Variants in EYS observed in about 807,000 individuals in gnomAD.
EYS encodes EGF-like photoreceptor maintenance factor.
Under a neutral mutation model 282.1 loss-of-function variants are expected in EYS, and 250 were observed. The ratio of observed to expected loss-of-function variants is 0.89; its 90% CI spans 0.80 to 0.98. EYS has a LOEUF of 0.98. Among genes scored for constraint, EYS ranks in the 50% least tolerant of loss-of-function variants. EYS has a pLI of 0.00. For synonymous variants in EYS, 1,355 were observed against 1,282.9 expected, an observed-to-expected ratio of 1.06 and a Z score of -1.20; for missense variants, 4,016 against 3,709.0, an observed-to-expected ratio of 1.08 and a Z score of -2.15.
intron 2 of EYS, among the ~76,000 whole-genome samples, chr6:65,504,239 T>C (rs745877090): frequency 1.3e-5 from 2 of 151,756 alleles, no homozygotes; most frequent in Non-Finnish European, 3.0e-5. Flanking sequence ...CCTTTAAATA[T>C]TAGTTGTTCA....
At chr6:64,549,124 C>T (rs1257166744) in intron 26 of EYS, among the ~76,000 whole-genome samples, 11 of 152,312 alleles carry the variant, frequency 7.2e-5, no homozygotes, top group Admixed American at 7.2e-4. Context: ...CCTCCAAAGG[C>T]AGAAACAGCA....
At chr6:63,917,676 G>C (rs188711944) in intron 35 of EYS, among the ~76,000 whole-genome samples, 25 of 152,280 alleles carry the variant, frequency 1.6e-4, no homozygotes, top group Middle Eastern at 3.4e-3. Flanking sequence ...ACATGAAATA[G>C]GCAATAAAGG....
intron 29 of EYS, among the ~76,000 whole-genome samples, chr6:64,323,413 T>C (rs1320143338): frequency 2.6e-5 from 4 of 152,166 alleles, no homozygotes; most frequent in Admixed American, 1.3e-4. Context: ...ATTTTATCTA[T>C]ACATCGCTTG....
At chr6:64,726,863 T>C (rs538586646) in intron 22 of EYS, among the ~76,000 whole-genome samples, 151 of 152,192 alleles carry the variant, frequency 9.9e-4, no homozygotes, top group Non-Finnish European at 2.9e-4. Context: ...TTTCAGGCTT[T>C]CAAAACAGAC....
intron 22 of EYS, among the ~76,000 whole-genome samples, chr6:64,681,367 G>A (rs372947402): frequency 1.2e-4 from 19 of 152,218 alleles, no homozygotes; most frequent in African/African-American, 4.3e-4. Flanking sequence ...GTACAAAGTT[G>A]CAATTTCACT....
intron 26 of EYS, among the ~76,000 whole-genome samples, chr6:64,498,134 A>G (rs975450367): frequency 6.6e-6 from 1 of 152,180 alleles, no homozygotes; most frequent in African/African-American, 2.4e-5. Flanking sequence ...ATCAATCAGT[A>G]TATTTCATAT....
intron 36 of EYS, among the ~76,000 whole-genome samples, chr6:63,862,422 T>A (rs555327998): frequency 1.4e-3 from 210 of 149,910 alleles, no homozygotes; most frequent in African/African-American, 4.1e-3. Context: ...AATCTTTTTT[T>A]AAAAAAAAAA....
intron 35 of EYS, 110 bp from the exon 36 acceptor site, chr6:63,864,468 A>T: frequency 1.4e-6 from 1 of 705,930 alleles, no homozygotes; most frequent in Non-Finnish European, 2.1e-6. Context: ...TTATAATTGC[A>T]TCTTTTCTAA....
At chr6:65,441,951 A>C (rs1768344630) in intron 5 of EYS, among the ~76,000 whole-genome samples, 1 of 151,952 alleles carries the variant, frequency 6.6e-6, no homozygotes, top group Non-Finnish European at 1.5e-5. Context: ...ACTAAATGTC[A>C]TTTCTTCATA....
intron 2 of EYS, among the ~76,000 whole-genome samples, chr6:65,603,596 T>C (rs1562282326): frequency 6.6e-6 from 1 of 151,996 alleles, no homozygotes; most frequent in Non-Finnish European, 1.5e-5. Flanking sequence ...GGAAACACTT[T>C]ATAATACATA....
At chr6:63,840,478 T>C (rs1372629015) in intron 36 of EYS, among the ~76,000 whole-genome samples, 1 of 152,114 alleles carries the variant, frequency 6.6e-6, no homozygotes, top group Admixed American at 6.6e-5. Context: ...TCTTTCATTC[T>C]GTAGGTCGTC....
chr6:64,338,351 T>G (rs756754116), intron 29 of EYS, among the ~76,000 whole-genome samples: 1 of 150,376 alleles, frequency 6.6e-6, no homozygotes, highest in Non-Finnish European at 1.5e-5. Context: ...AAGCAAAGAA[T>G]CAAATCAAGA....
chr6:64,219,787 T>C (rs1766039824), intron 31 of EYS, among the ~76,000 whole-genome samples: 1 of 152,110 alleles, frequency 6.6e-6, no homozygotes, highest in Non-Finnish European at 1.5e-5. Flanking sequence ...AACCCAAATG[T>C]CCAACAATGA....
At chr6:65,393,849 A>T (rs1766158108) in intron 7 of EYS, among the ~76,000 whole-genome samples, 1 of 152,164 alleles carries the variant, frequency 6.6e-6, no homozygotes, top group Non-Finnish European at 1.5e-5. Context: ...AAACAAAAAA[A>T]AACACAATAA....
intron 2 of EYS, among the ~76,000 whole-genome samples, chr6:65,543,313 T>A (rs1421984832): frequency 1.3e-5 from 2 of 151,112 alleles, no homozygotes; most frequent in African/African-American, 4.8e-5. Context: ...CAGCTGTTTT[T>A]TTACATTATT....
At chr6:64,567,662 T>C (rs947918958) in intron 26 of EYS, among the ~76,000 whole-genome samples, 2 of 152,172 alleles carry the variant, frequency 1.3e-5, no homozygotes, top group Non-Finnish European at 1.5e-5. Context: ...TCTCAAGTGA[T>C]TTATTTGGAA....
intron 28 of EYS, among the ~76,000 whole-genome samples, chr6:64,414,008 A>G (rs1014257266): frequency 9.2e-5 from 14 of 152,074 alleles, no homozygotes; most frequent in African/African-American, 3.4e-4. Flanking sequence ...GCCCTTACCA[A>G]TGACTGAATC....
In EYS at chr6:64,945,191, T is replaced by C. The variant is rs1351163334; in HGVS notation, c.2381+602A>G. ...ATCTATGCATCCAATAAAGGTGTGA[T>C]ATGCTGAATCTATAAGGAACTTATT... On this transcript the variant is annotated intron_variant, in intron 15 of 42. Transcript: ENST00000503581. Among the ~76,000 whole-genome samples the C allele has an allele frequency of 6.8e-5, 10 of 147,876 alleles. No homozygotes were observed. In the East Asian group the frequency reaches 1.6e-3, roughly 24 times the overall value.
intron 30 of EYS, among the ~76,000 whole-genome samples, chr6:64,241,638 A>T (rs1419326675): frequency 6.6e-6 from 1 of 150,446 alleles, no homozygotes; most frequent in Non-Finnish European, 1.5e-5. Context: ...TCCTGGATTC[A>T]TTGATTTTTT....
Sources: gnomAD v4.1 joint callset for allele counts (sites outside exome capture counted in the v4.1 genomes callset) on GRCh38, gnomAD v4.1.1 for gene constraint, MANE v1.5 for transcripts, NCBI Gene and HGNC (gene_info 2026-07-23, HGNC 2026-07-21) for gene names.